The following PRKCI variants were observed in gnomAD, a reference collection of about 807,000 sequenced individuals.
PRKCI encodes protein kinase C iota.
Under a neutral mutation model 84.0 loss-of-function variants are expected in PRKCI, and 43 were observed. The ratio of observed to expected loss-of-function variants is 0.51; its 90% CI spans 0.40 to 0.66. The LOEUF (loss-of-function observed/expected upper bound fraction) is 0.66. PRKCI is among the 30% of genes least tolerant of loss of function. The pLI, the probability that PRKCI is intolerant of heterozygous loss-of-function variation, is 0.00. For synonymous variants in PRKCI, 216 were observed against 234.4 expected (o/e 0.92, Z 0.72); for missense variants, 459 against 745.6 (o/e 0.62, Z 4.48).
Position 170,228,015 on chromosome 3 carries a change from G to A in PRKCI, c.101+5245G>A, listed in dbSNP as rs117199855. On this transcript the variant is annotated intron_variant, in intron 1 of 17. Coordinates refer to ENST00000295797, the MANE Select transcript of PRKCI (RefSeq NM_002740.6). Reference sequence around the variant, plus strand: ...GAGTTGGACAACTCATAGGTTTCTCGTTTAAGAGAGACTGGGGAATGTGGA... The same window carrying A: ...GAGTTGGACAACTCATAGGTTTCTCATTTAAGAGAGACTGGGGAATGTGGA... Among the ~76,000 whole-genome samples, 179 of 152,268 alleles carry A rather than the reference G, an allele frequency of 1.2e-3. 2 individuals are homozygous for A. In the East Asian group the frequency reaches 0.026, roughly 22 times the overall value.
intron 12 of PRKCI, among the ~76,000 whole-genome samples, chr3:170,288,522 G>A (rs1478447395): frequency 6.6e-6 from 1 of 152,168 alleles, no homozygotes; most frequent in Non-Finnish European, 1.5e-5. Context: ...GCCAAGGCAG[G>A]CGGATTACTT....
At chr3:170,237,262 T>C (rs188745453) in intron 2 of PRKCI, among the ~76,000 whole-genome samples, 26 of 152,254 alleles carry the variant, frequency 1.7e-4, no homozygotes, top group Admixed American at 1.2e-3. Flanking sequence ...CACGGGTGAG[T>C]TGTATGAATA....
chr3:170,234,005 G>C (rs1732876323), intron 1 of PRKCI, among the ~76,000 whole-genome samples: 1 of 144,300 alleles, frequency 6.9e-6, no homozygotes. Flanking sequence ...ACAGGTGTGA[G>C]CCACCACACC....
chr3:170,271,593 CAATTT>C (rs1380857810), intron 6 of PRKCI, among the ~76,000 whole-genome samples: 1 of 151,758 alleles, frequency 6.6e-6, no homozygotes, highest in Non-Finnish European at 1.5e-5. Flanking sequence ...TTTTTCCTTA[CAATTT>C]AATTGTAAAA....
chr3:170,234,830 G>A (rs1166469568), intron 1 of PRKCI, among the ~76,000 whole-genome samples: 2 of 151,788 alleles, frequency 1.3e-5, no homozygotes, highest in East Asian at 1.9e-4. Context: ...TTTTGACACA[G>A]TCTCCTCTGT....
intron 2 of PRKCI, among the ~76,000 whole-genome samples, chr3:170,254,159 GTT>G (rs143049166): frequency 6.0e-5 from 9 of 149,220 alleles, no homozygotes; most frequent in African/African-American, 2.2e-4. Flanking sequence ...AGATTATTAG[GTT>G]TTTTTTTTCC....
chr3:170,290,445 GTC>G (rs933474573), intron 12 of PRKCI, among the ~76,000 whole-genome samples: 19 of 151,730 alleles, frequency 1.3e-4, no homozygotes, highest in Non-Finnish European at 2.8e-4. Flanking sequence ...CATGCAGGGA[GTC>G]TCTCTCTCTA....
chr3:170,251,980 C>A (rs1231095992), intron 2 of PRKCI, among the ~76,000 whole-genome samples: 1 of 151,450 alleles, frequency 6.6e-6, no homozygotes, highest in Non-Finnish European at 1.5e-5. Flanking sequence ...CTTTGGGAGG[C>A]CGAGGTGGGT....
chr3:170,233,394 CTT>C (rs1187490777), intron 1 of PRKCI, among the ~76,000 whole-genome samples: 2 of 151,972 alleles, frequency 1.3e-5, no homozygotes, highest in African/African-American at 4.8e-5. Flanking sequence ...TTTTGGGAAT[CTT>C]TGTGATAAAG....
chr3:170,224,394 CTGTTTTGACT>C (rs911843502), intron 1 of PRKCI, among the ~76,000 whole-genome samples: 3 of 150,464 alleles, frequency 2.0e-5, no homozygotes, highest in African/African-American at 7.3e-5. Context: ...GTCACAAGAG[CTGTTTTGACT>C]TGAGGATGGT....
At chr3:170,301,295 C>G (rs557285739) in intron 17 of PRKCI, among the ~76,000 whole-genome samples, 1 of 152,290 alleles carries the variant, frequency 6.6e-6, no homozygotes, top group African/African-American at 2.4e-5. Context: ...TGCATAACTT[C>G]TCTGAGCCTG....
chr3:170,294,881 T>C (rs1245098278), intron 14 of PRKCI, among the ~76,000 whole-genome samples: 1 of 152,080 alleles, frequency 6.6e-6, no homozygotes, highest in East Asian at 1.9e-4. Flanking sequence ...TCTTATTTTT[T>C]TTCCTGGAAT....
At chr3:170,292,709 CAAA>C (rs35749320) in intron 13 of PRKCI, among the ~76,000 whole-genome samples, 2 of 82,600 alleles carry the variant, frequency 2.4e-5, no homozygotes. Flanking sequence ...AACTCTGTCT[CAAA>C]AAAAAAAAAA....
chr3:170,224,218 C>G (rs1732573018), intron 1 of PRKCI, among the ~76,000 whole-genome samples: 1 of 151,816 alleles, frequency 6.6e-6, no homozygotes, highest in Non-Finnish European at 1.5e-5. Context: ...GCCATGAAGC[C>G]TCTGGCCTCT....
At chr3:170,278,713 A>G (rs1577366088) in intron 8 of PRKCI, among the ~76,000 whole-genome samples, 1 of 152,238 alleles carries the variant, frequency 6.6e-6, no homozygotes, top group Non-Finnish European at 1.5e-5. Flanking sequence ...GGTAATTTAT[A>G]CAAGATTTAT....
intron 12 of PRKCI, among the ~76,000 whole-genome samples, chr3:170,285,282 T>C (rs549054289): frequency 6.6e-6 from 1 of 152,208 alleles, no homozygotes; most frequent in East Asian, 1.9e-4. Context: ...GGTTTCACCA[T>C]GTTAGCCAGG....
At chr3:170,253,832 C>T (rs1733512942) in intron 2 of PRKCI, among the ~76,000 whole-genome samples, 2 of 151,410 alleles carry the variant, frequency 1.3e-5, no homozygotes, top group African/African-American at 4.9e-5. Flanking sequence ...GATGGTGTCT[C>T]ACGCTTGTAA....
chr3:170,288,875 C>G (rs1734467348), intron 12 of PRKCI, among the ~76,000 whole-genome samples: 1 of 152,214 alleles, frequency 6.6e-6, no homozygotes, highest in African/African-American at 2.4e-5. Context: ...AGCTTGACTT[C>G]ATGCAAGTGT....
intron 2 of PRKCI, among the ~76,000 whole-genome samples, chr3:170,248,643 C>A (rs1733356180): frequency 6.6e-6 from 1 of 152,108 alleles, no homozygotes; most frequent in Admixed American, 6.5e-5. Flanking sequence ...CCAAGAAAAA[C>A]AAAATGGATT....
Sources: allele counts gnomAD v4.1 joint callset (sites outside exome capture counted in the v4.1 genomes callset), GRCh38; gene constraint gnomAD v4.1.1; transcripts MANE v1.5; gene names NCBI Gene and HGNC (gene_info 2026-07-23, HGNC 2026-07-21).